The following TXNDC12 variants were observed in gnomAD, a reference collection of about 807,000 sequenced individuals.
The protein encoded by TXNDC12 is thioredoxin domain containing 12, also known as thioredoxin domain-containing protein 12.
Under a neutral mutation model 24.2 loss-of-function variants are expected in TXNDC12, and 22 were observed. The ratio of observed to expected loss-of-function variants is 0.91; its 90% CI spans 0.65 to 1.30. The LOEUF (loss-of-function observed/expected upper bound fraction) is 1.30. TXNDC12 is among the 50% of genes most tolerant of loss of function. The pLI is 0.00. For synonymous variants in TXNDC12, 58 were observed against 73.4 expected, an observed-to-expected ratio of 0.79 and a Z score of 1.07; for missense variants, 184 against 205.8, an observed-to-expected ratio of 0.89 and a Z score of 0.65.
At chr1:52,034,567 A>G (rs550088602) in intron 2 of TXNDC12, among the ~76,000 whole-genome samples, 1 of 152,302 alleles carries the variant, frequency 6.6e-6, no homozygotes, top group Admixed American at 6.5e-5. Flanking sequence ...TTTGGTGCTT[A>G]TCTAAACTTC....
chr1:52,027,118 A>G (rs1481340509), intron 4 of TXNDC12, among the ~76,000 whole-genome samples, 157 bp downstream of exon 4: 3 of 152,198 alleles, frequency 2.0e-5, no homozygotes, highest in Non-Finnish European at 4.4e-5. Context: ...GCTTTCTAAC[A>G]TATCTGATGC....
chr1:52,056,027 A>T (rs1686337330), upstream of TXNDC12: 1 of 152,212 alleles, frequency 6.6e-6, no homozygotes, highest in African/African-American at 2.4e-5. Context: ...AAGCGACCTA[A>T]CAAAAGTACA....
At position 52,033,223 on chromosome 1, in the gene TXNDC12, C is replaced by G. The variant is rs773118572; in HGVS notation, c.159-4593G>C. ...CACAAGAGCTGGAGACTCCGCAGCC[C>G]CGGATTCTTCTCGCTCCAGTTCCTT... On this transcript the variant is annotated intron_variant, in intron 2 of 6. Coordinates refer to ENST00000371626, the MANE Select transcript of TXNDC12 (RefSeq NM_015913.4). 8 of 1,614,076 alleles carry G rather than the reference C, an allele frequency of 5.0e-6. No homozygotes were observed. The Admixed American group carries it at 1.2e-4, about 24-fold the overall frequency.
intron 2 of TXNDC12, among the ~76,000 whole-genome samples, chr1:52,037,575 G>A (rs1685908096): frequency 6.6e-6 from 1 of 152,096 alleles, no homozygotes; most frequent in South Asian, 2.1e-4. Flanking sequence ...CCAGAGTATT[G>A]TCCAACATCA....
chr1:52,053,304 A>G (rs568711238), intron 1 of TXNDC12, among the ~76,000 whole-genome samples: 1 of 151,388 alleles, frequency 6.6e-6, no homozygotes, highest in South Asian at 2.1e-4. Flanking sequence ...CAAAGAAAAA[A>G]CTCAGATCTA....
Position 52,024,521 on chromosome 1 carries a change from A to G in TXNDC12, c.344T>C (p.Ile115Thr), listed in dbSNP as rs1321815353. The G allele has an allele frequency of 1.2e-6, 2 of 1,612,728 alleles. No homozygotes were observed. The highest frequency in any genetic ancestry group is 4.5e-5 in the East Asian group (2 of 44,866). The change falls in exon 5 of 7, where the codon ATC (isoleucine) becomes ACC (threonine). Residue 115 changes from isoleucine (I) to threonine (T), a missense_variant. Ile to Thr is a moderately conservative substitution (Grantham distance 89, BLOSUM62 -1). Transcript: ENST00000371626. ...ATCATGTGCCTTACCCAGAAAAAGG[A>G]TTCGTGGAATATAACCCCCGTCAGG... Reference protein sequence around the residue: ...FSPDGGYIPRILFLDPSGKVH... With the variant: ...FSPDGGYIPRTLFLDPSGKVH...
At chr1:52,021,421 G>GA (rs1685594969) in intron 6 of TXNDC12, among the ~76,000 whole-genome samples, 1 of 150,902 alleles carries the variant, frequency 6.6e-6, no homozygotes, top group African/African-American at 2.4e-5. Context: ...TCTTTTGGAT[G>GA]AATGTTGCAC....
In TXNDC12 at chr1:52,031,587, G is replaced by A. The variant is rs111607822; in HGVS notation, c.159-2957C>T. On this transcript the variant is annotated intron_variant, in intron 2 of 6. Transcript: ENST00000371626. ...AGCTCACTGCAACCTCCACCTCCCA[G>A]GTTCAAGCGATTCTCGTGCCTCAGC... Among the ~76,000 whole-genome samples the A allele has an allele frequency of 7.9e-3, 1,201 of 151,960 alleles. 14 individuals carry two copies. Among genetic ancestry groups the A allele is most frequent in the African/African-American group, 0.028 (1,143 of 41,420 alleles).
chr1:52,037,937 T>G (rs147798004), intron 2 of TXNDC12, among the ~76,000 whole-genome samples: 2 of 152,082 alleles, frequency 1.3e-5, no homozygotes, highest in Non-Finnish European at 2.9e-5. Context: ...TTTTTCCTTT[T>G]TAAAAACTGA....
At chr1:52,031,598 T>C (rs529981374) in intron 2 of TXNDC12, among the ~76,000 whole-genome samples, 2 of 152,198 alleles carry the variant, frequency 1.3e-5, no homozygotes, top group East Asian at 3.9e-4. Context: ...GTTCAAGCGA[T>C]TCTCGTGCCT....
intron 2 of TXNDC12, among the ~76,000 whole-genome samples, chr1:52,030,956 A>C (rs947377551): frequency 6.6e-6 from 1 of 152,246 alleles, no homozygotes; most frequent in South Asian, 2.1e-4. Flanking sequence ...AAGTAGCAAC[A>C]GCATTTGATG....
In TXNDC12 at chr1:52,020,562, TCTC is replaced by T. The variant is rs904330937; in HGVS notation, c.*368_*370del. 4.4e-5 allele frequency: 12 copies of T among 275,336 alleles called. No individual in the cohort carries two copies. Among genetic ancestry groups the T allele is most frequent in the African/African-American group, 2.6e-4 (12 of 45,812 alleles). The allele number at this position is 275,336 out of a possible 1,614,324, so 17.1% of individuals were successfully genotyped here. On this transcript the variant is annotated 3_prime_UTR_variant, in exon 7 of 7. Transcript: ENST00000371626. ...AACGTTGTAGAAAAGATGCTACTAG[TCTC>T]CTTTCACCACTAAGGTGAGTAAAGT...
chr1:52,038,076 T>C (rs1028804585), intron 2 of TXNDC12, among the ~76,000 whole-genome samples: 1 of 152,010 alleles, frequency 6.6e-6, no homozygotes, highest in Non-Finnish European at 1.5e-5. Context: ...AACAGGTGTG[T>C]GCCACCACAC....
intron 1 of TXNDC12, 83 bp downstream of exon 1, chr1:52,054,917 G>T (rs1250396899): frequency 1.9e-6 from 2 of 1,054,408 alleles, no homozygotes; most frequent in Non-Finnish European, 1.5e-6. Context: ...GAATGGGAGG[G>T]GAACGGTGCT....
At chr1:52,026,935 C>T (rs933009910) in intron 4 of TXNDC12, among the ~76,000 whole-genome samples, 6 of 151,758 alleles carry the variant, frequency 4.0e-5, no homozygotes, top group East Asian at 3.9e-4. Context: ...ACTCGGGAGG[C>T]GGAGGCAGGA....
At chr1:52,027,683 C>T (rs1685690006) in intron 3 of TXNDC12, among the ~76,000 whole-genome samples, 1 of 151,340 alleles carries the variant, frequency 6.6e-6, no homozygotes, top group Non-Finnish European at 1.5e-5. Context: ...AATAGAGTGA[C>T]AGTCTGCCAC....
chr1:52,030,098 A>G (rs763801592), intron 2 of TXNDC12, among the ~76,000 whole-genome samples: 14 of 152,120 alleles, frequency 9.2e-5, no homozygotes, highest in Non-Finnish European at 1.6e-4. Flanking sequence ...GGCCGGGCAC[A>G]GTGGCTCACA....
intron 2 of TXNDC12, among the ~76,000 whole-genome samples, chr1:52,039,449 T>A (rs972336834): frequency 6.6e-6 from 1 of 152,076 alleles, no homozygotes; most frequent in Non-Finnish European, 1.5e-5. Context: ...TGCCTCAGCC[T>A]CCCAAGTAGC....
At chr1:52,039,774 A>G (rs77413835) in intron 2 of TXNDC12, among the ~76,000 whole-genome samples, 5,689 of 152,310 alleles carry the variant, frequency 0.037, 382 homozygotes, top group African/African-American at 0.13. Context: ...CCACAAAATT[A>G]TTAGTAATGT....
Sources: gnomAD v4.1 joint callset for allele counts (sites outside exome capture counted in the v4.1 genomes callset) on GRCh38, gnomAD v4.1.1 for gene constraint, MANE v1.5 for transcripts, NCBI Gene and HGNC (gene_info 2026-07-23, HGNC 2026-07-21) for gene names.